The following ARHGAP26 variants were observed in gnomAD, a reference collection of about 807,000 sequenced individuals.
ARHGAP26 encodes rho GTPase-activating protein 26.
ARHGAP26 carries 38 observed loss-of-function variants against 104.8 expected under a neutral mutation model. The observed-to-expected ratio is 0.36, with a 90% CI of 0.28 to 0.48. The LOEUF is 0.48. ARHGAP26 is among the 20% of genes least tolerant of loss of function. The pLI, the probability that ARHGAP26 is intolerant of heterozygous loss-of-function variation, is 0.99. For synonymous variants in ARHGAP26, 341 were observed against 340.0 expected, an observed-to-expected ratio of 1.00 and a Z score of -0.03; for missense variants, 704 against 947.9, an observed-to-expected ratio of 0.74 and a Z score of 3.38.
At chr5:142,773,732 C>A (rs1237675882) in intron 1 of ARHGAP26, among the ~76,000 whole-genome samples, 1 of 152,158 alleles carries the variant, frequency 6.6e-6, no homozygotes, top group East Asian at 1.9e-4. Context: ...TATGTCTTGG[C>A]TTTGTAAAGC....
intron 20 of ARHGAP26, among the ~76,000 whole-genome samples, chr5:143,151,889 G>A (rs1235980472): frequency 6.6e-6 from 1 of 152,202 alleles, no homozygotes; most frequent in African/African-American, 2.4e-5. Flanking sequence ...CTGGGAGGCA[G>A]AGGTTGCAGT....
intron 18 of ARHGAP26, among the ~76,000 whole-genome samples, chr5:143,122,993 A>G (rs185981074): frequency 6.6e-6 from 1 of 152,238 alleles, no homozygotes; most frequent in African/African-American, 2.4e-5. Flanking sequence ...TGGCTTTCTG[A>G]CCTCTTCAAG....
At chr5:142,898,015 GTTCAT>G (rs1200144202) in intron 6 of ARHGAP26, among the ~76,000 whole-genome samples, 1 of 152,110 alleles carries the variant, frequency 6.6e-6, no homozygotes, top group African/African-American at 2.4e-5. Context: ...AATCGACCGT[GTTCAT>G]TTGTTTCTTG....
At chr5:142,950,234 G>T (rs1305257802) in intron 11 of ARHGAP26, among the ~76,000 whole-genome samples, 1 of 152,168 alleles carries the variant, frequency 6.6e-6, no homozygotes, top group Non-Finnish European at 1.5e-5. Flanking sequence ...GCAGAAAGCT[G>T]AAGGCGGAGA....
chr5:142,878,521 G>A (rs1277780605), intron 3 of ARHGAP26, among the ~76,000 whole-genome samples: 2 of 143,326 alleles, frequency 1.4e-5, no homozygotes, highest in Non-Finnish European at 3.0e-5. Context: ...ATACTGATGT[G>A]TATGTGTGTG....
At chr5:142,816,539 C>T (rs1045392204) in intron 1 of ARHGAP26, among the ~76,000 whole-genome samples, 3 of 152,172 alleles carry the variant, frequency 2.0e-5, no homozygotes, top group Admixed American at 6.5e-5. Context: ...CATGTGCGCC[C>T]TGGGCCTTGG....
rs115979745 is a variant in ARHGAP26 at position 143,227,025 on chromosome 5, G to A, written c.*4579G>A. The stretch of plus-strand genomic sequence containing the variant: ...TGCAGAGGCTCCAAAAGCATTCACA[G>A]TTGAGGGGGAGAAAGACAGAAAGAA... On this transcript the variant is annotated 3_prime_UTR_variant, in exon 23 of 23. Transcript: ENST00000645722. The A allele has an allele frequency of 8.4e-3, 1,920 of 229,464 alleles. 14 individuals are homozygous for A. Among genetic ancestry groups the A allele is most frequent in the Middle Eastern group, 0.022 (17 of 770 alleles). The allele number at this position is 229,464 out of a possible 1,614,324, so 14.2% of individuals were successfully genotyped here. A position where few individuals can be genotyped will look rare whatever the true frequency, so the allele number is the denominator to read the frequency against.
chr5:142,938,505 G>A (rs1220693764), intron 11 of ARHGAP26, among the ~76,000 whole-genome samples: 1 of 152,196 alleles, frequency 6.6e-6, no homozygotes, highest in Admixed American at 6.5e-5. Context: ...AGACAGCAGA[G>A]TTTCTTTGGC....
intron 17 of ARHGAP26, among the ~76,000 whole-genome samples, chr5:143,077,872 C>T (rs1212106465): frequency 6.6e-6 from 1 of 152,136 alleles, no homozygotes; most frequent in Non-Finnish European, 1.5e-5. Context: ...TGCCTAGGCT[C>T]TTCTTTTCTG....
intron 17 of ARHGAP26, among the ~76,000 whole-genome samples, chr5:143,076,255 C>G (rs1163834007): frequency 1.3e-5 from 2 of 150,016 alleles, no homozygotes; most frequent in Non-Finnish European, 2.9e-5. Context: ...ACCTCAGCCT[C>G]TCAAAATGCT....
intron 20 of ARHGAP26, among the ~76,000 whole-genome samples, chr5:143,147,871 A>C (rs1799348577): frequency 6.6e-6 from 1 of 152,182 alleles, no homozygotes; most frequent in Non-Finnish European, 1.5e-5. Context: ...CCTTAGCATG[A>C]CTATGACTTC....
At position 142,875,114 on chromosome 5, in the gene ARHGAP26, A is replaced by G. The variant is rs185200; in HGVS notation, c.255A>G (p.Arg85=). The change falls in exon 3 of 23, where the codon AGA becomes AGG. Residue 85 remains arginine (R), a synonymous_variant. Coordinates refer to ENST00000645722, the MANE Select transcript of ARHGAP26 (RefSeq NM_001135608.3). ...TGGCCCCTTTCTGTTTTCCAGCAAG[A>G]TCTTTGCAGGAGTTTGCCACTGTCC... The part of the protein sequence containing the change: ...AETDDEMCIA[R]SLQEFATVLR... 584,090 of 1,612,584 alleles carry G rather than the reference A, an allele frequency of 0.36. 126,814 individuals carry two copies. Among genetic ancestry groups the G allele is most frequent in the East Asian group, 0.86 (38,573 of 44,864 alleles).
At chr5:143,166,688 A>G (rs258780) in intron 20 of ARHGAP26, among the ~76,000 whole-genome samples, 34,240 of 152,170 alleles carry the variant, frequency 0.23, 4,458 homozygotes, top group East Asian at 0.4. Flanking sequence ...CCTGAGGGAA[A>G]GCATCTATGG....
chr5:142,771,312 G>C (rs938968534), intron 1 of ARHGAP26: 3 of 1,233,980 alleles, frequency 2.4e-6, no homozygotes. Flanking sequence ...GCTCAGCCTT[G>C]AGTGCCCAAC....
At chr5:142,823,738 G>A (rs1027453657) in intron 1 of ARHGAP26, among the ~76,000 whole-genome samples, 2 of 152,144 alleles carry the variant, frequency 1.3e-5, no homozygotes, top group African/African-American at 4.8e-5. Context: ...GAATGTCACG[G>A]TGTGTGTGTT....
At chr5:143,201,830 A>G (rs573310742) in intron 20 of ARHGAP26, among the ~76,000 whole-genome samples, 1 of 152,364 alleles carries the variant, frequency 6.6e-6, no homozygotes, top group African/African-American at 2.4e-5. Context: ...TATTGTTGAT[A>G]GGATTATTGC....
intron 20 of ARHGAP26, among the ~76,000 whole-genome samples, chr5:143,157,172 C>T (rs935122354): frequency 5.5e-4 from 77 of 141,280 alleles, no homozygotes; most frequent in African/African-American, 1.8e-3. Flanking sequence ...CACATTCTTT[C>T]TTTTTTTTTT....
At chr5:142,967,497 A>G (rs1771572990) in intron 11 of ARHGAP26, among the ~76,000 whole-genome samples, 2 of 152,206 alleles carry the variant, frequency 1.3e-5, no homozygotes, top group African/African-American at 4.8e-5. Context: ...TTAGAATTTA[A>G]GAGGCCGGGT....
chr5:143,103,028 T>C (rs1793484830), intron 17 of ARHGAP26, among the ~76,000 whole-genome samples: 1 of 152,188 alleles, frequency 6.6e-6, no homozygotes, highest in Non-Finnish European at 1.5e-5. Flanking sequence ...CCAACTATTT[T>C]TCTTCCCCAT....
Sources: allele counts gnomAD v4.1 joint callset (sites outside exome capture counted in the v4.1 genomes callset), GRCh38; gene constraint gnomAD v4.1.1; transcripts MANE v1.5; gene names NCBI Gene and HGNC (gene_info 2026-07-23, HGNC 2026-07-21).